Variants in LUC7L2 observed in about 807,000 individuals in gnomAD.
LUC7L2 encodes putative RNA-binding protein Luc7-like 2.
A neutral mutation model predicts 52.8 loss-of-function variants in LUC7L2; 25 were observed. That is an observed-to-expected ratio of 0.47 (90% CI 0.34 to 0.66). LUC7L2 has a LOEUF of 0.66. Ranked by LOEUF, LUC7L2 falls within the 30% of genes least tolerant of loss-of-function variation. The pLI, the probability that LUC7L2 is intolerant of heterozygous loss-of-function variation, is 0.01. For synonymous variants in LUC7L2, 144 were observed against 160.9 expected, an observed-to-expected ratio of 0.89 and a Z score of 0.80; for missense variants, 328 against 497.8, an observed-to-expected ratio of 0.66 and a Z score of 3.25.
intron 4 of LUC7L2, among the ~76,000 whole-genome samples, chr7:139,403,374 T>C (rs1333450918): frequency 6.6e-6 from 1 of 152,224 alleles, no homozygotes; most frequent in Non-Finnish European, 1.5e-5. Flanking sequence ...ATCAAGTGTG[T>C]TTTATGAAAA....
In LUC7L2 at chr7:139,353,498, G is replaced by A. The variant is rs535105035; in HGVS notation, c.-26+12981G>A. ...GCTAAAATGTAGACATAGACATACAGAGATTTTTTTTTTCAGATGCTAAGA... is the reference window on the plus strand; with the variant it reads ...GCTAAAATGTAGACATAGACATACAAAGATTTTTTTTTTCAGATGCTAAGA... On this transcript the variant is annotated intron_variant, in intron 1 of 10. Transcript: ENST00000541170. Among the ~76,000 whole-genome samples the A allele has an allele frequency of 2.0e-5, 3 of 152,276 alleles. No homozygotes were observed. In the South Asian group the frequency reaches 6.2e-4, roughly 32 times the overall value.
intron 2 of LUC7L2, 102 bp from the exon 3 acceptor site, chr7:139,398,497 A>G (rs1431097326): frequency 1.2e-6 from 1 of 842,412 alleles, no homozygotes; most frequent in African/African-American, 1.7e-5. Flanking sequence ...ATAAAAAAGC[A>G]TCTGTATGAC....
chr7:139,341,227 A>G (rs1798937326), intron 1 of LUC7L2: 2 of 1,315,082 alleles, frequency 1.5e-6, no homozygotes, highest in South Asian at 1.6e-5. Flanking sequence ...TCGATTAATA[A>G]GGTTCGGTCA....
intron 1 of LUC7L2, chr7:139,341,206 C>T: frequency 2.6e-6 from 3 of 1,140,798 alleles, no homozygotes; most frequent in Non-Finnish European, 3.5e-6. Context: ...TGTTACGGCG[C>T]CCCTGGGCCT....
upstream of LUC7L2, among the ~76,000 whole-genome samples, chr7:139,356,615 TAA>T (rs112295252): frequency 4.0e-4 from 56 of 141,122 alleles, no homozygotes; most frequent in Admixed American, 5.0e-4. Context: ...AAACCTGCGT[TAA>T]AAAAAAAAAA....
intron 2 of LUC7L2, among the ~76,000 whole-genome samples, chr7:139,377,777 T>TCAGCCTCC (rs1800793041): frequency 6.7e-6 from 1 of 149,974 alleles, no homozygotes; most frequent in Non-Finnish European, 1.5e-5. Flanking sequence ...TTTGTCCACC[T>TCAGCCTCC]CAGCCTCCCA....
Position 139,390,082 on chromosome 7 carries a change from A to G in LUC7L2, c.157-8517A>G, listed in dbSNP as rs1304324187. Among the ~76,000 whole-genome samples the G allele has an allele frequency of 5.3e-5, 8 of 152,240 alleles. No homozygotes were observed. In the East Asian group the frequency reaches 9.7e-4, roughly 18 times the overall value. Reference sequence around the variant, plus strand: ...GTGGGAAGATCACTTAAGCCTAGGAATTCAAGGCCGCAGTGAGCTATGATT... The same window carrying G: ...GTGGGAAGATCACTTAAGCCTAGGAGTTCAAGGCCGCAGTGAGCTATGATT... On this transcript the variant is annotated intron_variant, in intron 2 of 9. Coordinates refer to ENST00000354926, the MANE Select transcript of LUC7L2 (RefSeq NM_016019.5).
intron 1 of LUC7L2, among the ~76,000 whole-genome samples, chr7:139,364,602 T>C (rs939058471): frequency 1.2e-4 from 19 of 152,238 alleles, no homozygotes; most frequent in African/African-American, 3.6e-4. Flanking sequence ...TTGTGGGATA[T>C]AAAACTGAAA....
upstream of LUC7L2, among the ~76,000 whole-genome samples, chr7:139,355,792 G>C (rs1377489835): frequency 6.6e-6 from 1 of 152,198 alleles, no homozygotes; most frequent in Non-Finnish European, 1.5e-5. Context: ...TCCAGAAGTT[G>C]ATGAGAGGGG....
chr7:139,409,086 G>A (rs1161162508), intron 6 of LUC7L2, among the ~76,000 whole-genome samples: 1 of 151,946 alleles, frequency 6.6e-6, no homozygotes, highest in Non-Finnish European at 1.5e-5. Context: ...GCAGTGAGCC[G>A]AGATGGTGCT....
chr7:139,380,105 G>C (rs1209821078), intron 2 of LUC7L2, among the ~76,000 whole-genome samples: 2 of 151,120 alleles, frequency 1.3e-5, no homozygotes, highest in Non-Finnish European at 3.0e-5. Context: ...CTTGAACCCT[G>C]GAGGTAAAGG....
At chr7:139,412,106 T>G (rs1337862023) in intron 7 of LUC7L2, among the ~76,000 whole-genome samples, 2 of 151,664 alleles carry the variant, frequency 1.3e-5, no homozygotes, top group Non-Finnish European at 1.5e-5. Context: ...ACACTTCAAA[T>G]TTTGAAAAAA....
upstream of LUC7L2, among the ~76,000 whole-genome samples, chr7:139,358,881 A>T (rs1799710583): frequency 6.6e-6 from 1 of 152,122 alleles, no homozygotes; most frequent in South Asian, 2.1e-4. Context: ...GGGTTTCACC[A>T]TGTTGGCCAG....
intron 1 of LUC7L2, among the ~76,000 whole-genome samples, chr7:139,373,748 G>T (rs1380943990): frequency 6.6e-6 from 1 of 152,152 alleles, no homozygotes; most frequent in African/African-American, 2.4e-5. Context: ...CAGTTACTCT[G>T]CCTGATGAAA....
intron 2 of LUC7L2, among the ~76,000 whole-genome samples, chr7:139,396,715 A>C (rs183825558): frequency 1.2e-4 from 19 of 152,156 alleles, no homozygotes; most frequent in Admixed American, 2.6e-4. Flanking sequence ...TGCTTTTAAA[A>C]CCAGCCTTCA....
upstream of LUC7L2, among the ~76,000 whole-genome samples, chr7:139,355,349 A>AT (rs79068897): frequency 0.021 from 3,102 of 146,530 alleles, 88 homozygotes; most frequent in African/African-American, 0.065. Flanking sequence ...ATTTCTATAC[A>AT]TTTTTTTTTT....
At chr7:139,391,679 C>T (rs926233030) in intron 2 of LUC7L2, among the ~76,000 whole-genome samples, 12 of 152,090 alleles carry the variant, frequency 7.9e-5, no homozygotes, top group African/African-American at 2.9e-4. Context: ...ACCTCTGCCT[C>T]CCAGGTTCAA....
chr7:139,360,018 C>T lies in LUC7L2; in HGVS notation c.-244C>T. 2.0e-6 allele frequency: 1 copy of T among 509,952 alleles called. No homozygotes were observed. Among genetic ancestry groups the T allele is most frequent in the Non-Finnish European group, 3.5e-6 (1 of 288,600 alleles). The allele number at this position is 509,952 out of a possible 1,614,324, so 31.6% of individuals were successfully genotyped here. On this transcript the variant is annotated 5_prime_UTR_variant, in exon 1 of 10. Coordinates refer to ENST00000354926, the MANE Select transcript of LUC7L2 (RefSeq NM_016019.5). The stretch of plus-strand genomic sequence containing the variant: ...GCCCGTGTCGCTTCTGTCCCAAGAA[C>T]CGGACGGAGAGTGAGGGCACGAGGG...
intron 1 of LUC7L2, among the ~76,000 whole-genome samples, chr7:139,361,125 C>T (rs964037595): frequency 6.6e-6 from 1 of 152,296 alleles, no homozygotes; most frequent in East Asian, 1.9e-4. Context: ...GCTGGATTAT[C>T]CTTTGTCATA....
Sources: gnomAD v4.1 joint callset for allele counts (sites outside exome capture counted in the v4.1 genomes callset) on GRCh38, gnomAD v4.1.1 for gene constraint, MANE v1.5 for transcripts, NCBI Gene and HGNC (gene_info 2026-07-23, HGNC 2026-07-21) for gene names.